LGSN: variants seen among roughly 807,000 people sequenced by gnomAD.
The protein encoded by LGSN is lengsin.
Under a neutral mutation model 19.5 loss-of-function variants are expected in LGSN, and 21 were observed. The ratio of observed to expected loss-of-function variants is 1.07; its 90% CI spans 0.76 to 1.55. The LOEUF is 1.55. LGSN is among the 40% of genes most tolerant of loss of function. The pLI is 0.00. For synonymous variants in LGSN, 257 were observed against 215.6 expected, an observed-to-expected ratio of 1.19 and a Z score of -1.68; for missense variants, 673 against 608.5, an observed-to-expected ratio of 1.11 and a Z score of -1.12.
chr6:63,548,976 C>T, the LGSN span: 11 of 742,852 alleles, frequency 1.5e-5, no homozygotes, highest in African/African-American at 3.4e-5. Flanking sequence ...GTAAGGGACC[C>T]GCATTTTATG....
chr6:63,458,104 G>C, the LGSN span, among the ~76,000 whole-genome samples: 1 of 151,204 alleles, frequency 6.6e-6, no homozygotes, highest in South Asian at 2.1e-4. Flanking sequence ...TTTCCCTCTT[G>C]TTACCCAGGC....
At chr6:63,518,432 C>A in the LGSN span, among the ~76,000 whole-genome samples, 2 of 151,944 alleles carry the variant, frequency 1.3e-5, no homozygotes, top group Admixed American at 1.3e-4. Context: ...TTTGGACATC[C>A]CCAGGGCAAA....
intron 2 of LGSN, among the ~76,000 whole-genome samples, chr6:63,292,985 C>A (rs1308308576): frequency 2.0e-5 from 3 of 152,074 alleles, no homozygotes; most frequent in Admixed American, 2.0e-4. Context: ...TATGTTTAAC[C>A]CTGTCATTAT....
the LGSN span, among the ~76,000 whole-genome samples, chr6:63,530,344 G>A: frequency 2.0e-5 from 3 of 152,144 alleles, no homozygotes; most frequent in Admixed American, 2.0e-4. Context: ...AAGCACAAAG[G>A]CTGAATATTA....
the LGSN span, among the ~76,000 whole-genome samples, chr6:63,568,658 T>TA: frequency 7.6e-3 from 1,105 of 144,538 alleles, 7 homozygotes; most frequent in Non-Finnish European, 0.013. Flanking sequence ...ATCATTTTGT[T>TA]AAAAAAAAAA....
the LGSN span, among the ~76,000 whole-genome samples, chr6:63,533,046 A>G: frequency 3.3e-5 from 5 of 152,206 alleles, no homozygotes; most frequent in Non-Finnish European, 5.9e-5. Context: ...ATCAAAATCT[A>G]TAAGCATTCA....
chr6:63,497,172 T>C, the LGSN span, among the ~76,000 whole-genome samples: 5 of 152,096 alleles, frequency 3.3e-5, no homozygotes, highest in East Asian at 7.8e-4. Context: ...AGATGGGGTA[T>C]TGTTATGTTG....
At chr6:63,333,333 T>A in the LGSN span, among the ~76,000 whole-genome samples, 1 of 150,442 alleles carries the variant, frequency 6.6e-6, no homozygotes, top group South Asian at 2.1e-4. Flanking sequence ...GAAGAACTAA[T>A]AACAAGCCTT....
At chr6:63,440,050 G>C in the LGSN span, among the ~76,000 whole-genome samples, 1 of 152,058 alleles carries the variant, frequency 6.6e-6, no homozygotes, top group Non-Finnish European at 1.5e-5. Flanking sequence ...GACAAACATA[G>C]GTTCCTCCAC....
the LGSN span, among the ~76,000 whole-genome samples, chr6:63,416,125 C>CT: frequency 0.03 from 4,062 of 136,228 alleles, 152 homozygotes; most frequent in African/African-American, 0.085. Flanking sequence ...TTTTTTTTTG[C>CT]TTTTTTTTTT....
chr6:63,535,921 C>T, the LGSN span, among the ~76,000 whole-genome samples: 4 of 152,082 alleles, frequency 2.6e-5, no homozygotes, highest in East Asian at 5.9e-4. Context: ...TACAGGCGTG[C>T]GCCACCATGC....
At chr6:63,389,777 A>G in the LGSN span, among the ~76,000 whole-genome samples, 2 of 152,210 alleles carry the variant, frequency 1.3e-5, no homozygotes, top group Middle Eastern at 3.2e-3. Context: ...CCAATACAGA[A>G]ATTCAAAGGT....
the LGSN span, among the ~76,000 whole-genome samples, chr6:63,461,785 G>T: frequency 4.6e-5 from 7 of 152,126 alleles, no homozygotes; most frequent in Admixed American, 3.9e-4. Context: ...CAAATGTGTT[G>T]CTTCCTAAAC....
At chr6:63,412,529 G>GAAGGAAAGAAAGAAAGAAAGAAA in the LGSN span, among the ~76,000 whole-genome samples, 41 of 32,390 alleles carry the variant, frequency 1.3e-3, no homozygotes, top group East Asian at 3.1e-3. Context: ...AAAGAAAGAA[G>GAAGGAAAGAAAGAAAGAAAGAAA]GAAAGAAAGA....
At chr6:63,386,430 GT>G in the LGSN span, among the ~76,000 whole-genome samples, 1 of 151,834 alleles carries the variant, frequency 6.6e-6, no homozygotes. Context: ...TTGCTTACTT[GT>G]TTGTTTGTTT....
chr6:63,369,541 G>C, the LGSN span, among the ~76,000 whole-genome samples: 1 of 152,336 alleles, frequency 6.6e-6, no homozygotes, highest in East Asian at 1.9e-4. Flanking sequence ...GTTCTGCTTT[G>C]ATTGTTGAAC....
the LGSN span, among the ~76,000 whole-genome samples, chr6:63,479,287 T>C: frequency 1.3e-5 from 2 of 152,006 alleles, no homozygotes; most frequent in African/African-American, 2.4e-5. Flanking sequence ...AAGGAAGTAA[T>C]AGATGCTGGA....
At chr6:63,293,858 T>A (rs1478963177) in intron 2 of LGSN, 4 of 432,212 alleles carry the variant, frequency 9.3e-6, no homozygotes, top group Non-Finnish European at 1.8e-5. Context: ...TGATCCTCTC[T>A]GTAGTAATAA....
the LGSN span, among the ~76,000 whole-genome samples, chr6:63,517,641 C>G: frequency 2.1e-4 from 32 of 152,194 alleles, no homozygotes; most frequent in African/African-American, 7.7e-4. Flanking sequence ...CACACATGCA[C>G]ACACACAATC....
Sources: allele counts gnomAD v4.1 joint callset (sites outside exome capture counted in the v4.1 genomes callset), GRCh38; gene constraint gnomAD v4.1.1; transcripts MANE v1.5; gene names NCBI Gene and HGNC (gene_info 2026-07-23, HGNC 2026-07-21).